ARHGAP32: variants seen among roughly 807,000 people sequenced by gnomAD.
The protein encoded by ARHGAP32 is rho GTPase-activating protein 32.
Under a neutral mutation model 186.5 loss-of-function variants are expected in ARHGAP32, and 51 were observed. The ratio of observed to expected loss-of-function variants is 0.27; its 90% CI spans 0.22 to 0.35. The LOEUF is 0.35. Among genes scored for constraint, ARHGAP32 ranks in the 10% least tolerant of loss-of-function variants. The pLI is 1.00. For synonymous variants in ARHGAP32, 950 were observed against 964.3 expected (o/e 0.99, Z 0.27); for missense variants, 2,186 against 2,623.5 (o/e 0.83, Z 3.64).
At chr11:129,085,082 G>A (rs1941344112) in intron 6 of ARHGAP32, among the ~76,000 whole-genome samples, 1 of 151,734 alleles carries the variant, frequency 6.6e-6, no homozygotes, top group African/African-American at 2.4e-5. Flanking sequence ...GGAGTGCAGT[G>A]GTACAATCAT....
At chr11:129,254,649 T>C (rs1346678691) in intron 1 of ARHGAP32, among the ~76,000 whole-genome samples, 1 of 152,128 alleles carries the variant, frequency 6.6e-6, no homozygotes, top group African/African-American at 2.4e-5. Context: ...TTCAGTCTTA[T>C]TTTTATTTCA....
chr11:129,039,465 C>T (rs1565390333), intron 11 of ARHGAP32, among the ~76,000 whole-genome samples: 1 of 152,130 alleles, frequency 6.6e-6, no homozygotes, highest in Non-Finnish European at 1.5e-5. Context: ...AAAAGAAGCC[C>T]ATCACAAAAG....
At chr11:129,062,455 T>C (rs1471612478) in intron 9 of ARHGAP32, 98 bp from the exon 10 acceptor site, 17 of 947,540 alleles carry the variant, frequency 1.8e-5, no homozygotes, top group Non-Finnish European at 2.6e-5. Context: ...AAAGGTAAAG[T>C]ACTATTCATG....
intron 11 of ARHGAP32, among the ~76,000 whole-genome samples, chr11:129,035,196 A>C (rs201655009): frequency 4.7e-5 from 6 of 127,726 alleles, no homozygotes; most frequent in East Asian, 2.3e-4. Context: ...CTCTCTCTCT[A>C]TCAAACTCTT....
At chr11:128,996,926 C>T (rs778542664) in intron 12 of ARHGAP32, among the ~76,000 whole-genome samples, 5 of 152,018 alleles carry the variant, frequency 3.3e-5, no homozygotes, top group African/African-American at 7.2e-5. Context: ...ATTACAGGTG[C>T]GTACTACTAT....
At chr11:129,087,529 C>G (rs1941442533) in intron 6 of ARHGAP32, among the ~76,000 whole-genome samples, 1 of 152,112 alleles carries the variant, frequency 6.6e-6, no homozygotes, top group Non-Finnish European at 1.5e-5. Flanking sequence ...TATGTGGTAT[C>G]TTAGAAAAGG....
At chr11:129,177,113 C>A (rs986408247) in intron 1 of ARHGAP32, among the ~76,000 whole-genome samples, 6 of 151,432 alleles carry the variant, frequency 4.0e-5, no homozygotes, top group Admixed American at 4.0e-4. Context: ...ATATCACCAC[C>A]GATCCCACAG....
At chr11:129,189,244 C>A (rs1185853982) in intron 1 of ARHGAP32, among the ~76,000 whole-genome samples, 2 of 152,146 alleles carry the variant, frequency 1.3e-5, no homozygotes, top group Non-Finnish European at 2.9e-5. Context: ...AAGTCAGTTA[C>A]ATCTGGGTTC....
chr11:129,116,083 G>T (rs190996946), intron 5 of ARHGAP32, among the ~76,000 whole-genome samples: 425 of 152,130 alleles, frequency 2.8e-3, no homozygotes, highest in African/African-American at 9.7e-3. Context: ...TTAATTTCTG[G>T]TCCAGAGACT....
intron 10 of ARHGAP32, 111 bp downstream of exon 10, chr11:129,062,169 A>G: frequency 1.2e-6 from 1 of 836,686 alleles, no homozygotes; most frequent in African/African-American, 1.7e-5. Context: ...ATCGTTGCAG[A>G]CAAAATTTCT....
At chr11:129,132,296 G>C (rs1942830022) in intron 2 of ARHGAP32, among the ~76,000 whole-genome samples, 1 of 152,146 alleles carries the variant, frequency 6.6e-6, no homozygotes, top group Non-Finnish European at 1.5e-5. Context: ...CTGGGCAACA[G>C]AGGGAGACCC....
chr11:128,996,792 T>G (rs1284676733), intron 12 of ARHGAP32, among the ~76,000 whole-genome samples: 1 of 152,124 alleles, frequency 6.6e-6, no homozygotes, highest in Non-Finnish European at 1.5e-5. Flanking sequence ...GAAAATTTTT[T>G]TTTTTTGGAG....
intron 5 of ARHGAP32, among the ~76,000 whole-genome samples, chr11:129,116,046 T>G (rs1423526072): frequency 6.6e-6 from 1 of 151,996 alleles, no homozygotes; most frequent in Non-Finnish European, 1.5e-5. Context: ...GGAACCAACA[T>G]AAGTTACTTT....
chr11:129,047,249 A>G (rs1939849070), intron 10 of ARHGAP32, among the ~76,000 whole-genome samples: 1 of 152,104 alleles, frequency 6.6e-6, no homozygotes, highest in Admixed American at 6.6e-5. Flanking sequence ...AGCACTGCTC[A>G]CTCCTCAAAA....
At chr11:129,057,977 T>C (rs1459245350) in intron 10 of ARHGAP32, among the ~76,000 whole-genome samples, 2 of 152,136 alleles carry the variant, frequency 1.3e-5, no homozygotes, top group Non-Finnish European at 2.9e-5. Context: ...AACCTTCTGG[T>C]ACCTTAACTT....
intron 11 of ARHGAP32, among the ~76,000 whole-genome samples, chr11:129,036,689 A>G (rs1456084334): frequency 2.6e-5 from 4 of 152,234 alleles, no homozygotes; most frequent in Non-Finnish European, 4.4e-5. Context: ...GCACTCTTTT[A>G]AACACTTGAC....
chr11:129,099,975 G>A (rs376570936), intron 5 of ARHGAP32, among the ~76,000 whole-genome samples: 95 of 152,314 alleles, frequency 6.2e-4, no homozygotes, highest in African/African-American at 1.9e-3. Context: ...AACAGCTCCC[G>A]GGGAAGAGGT....
chr11:129,023,348 G>C (rs909963272), intron 11 of ARHGAP32, among the ~76,000 whole-genome samples: 62 of 152,222 alleles, frequency 4.1e-4, no homozygotes, highest in African/African-American at 1.4e-3. Context: ...AGGCCAGAAA[G>C]GTTACTTCTT....
chr11:129,165,766 A>T (rs1173760129), intron 1 of ARHGAP32, among the ~76,000 whole-genome samples: 1 of 151,868 alleles, frequency 6.6e-6, no homozygotes, highest in Non-Finnish European at 1.5e-5. Context: ...TAAAAAAAAA[A>T]ATAGATAATC....
Sources: allele counts gnomAD v4.1 joint callset (sites outside exome capture counted in the v4.1 genomes callset), GRCh38; gene constraint gnomAD v4.1.1; transcripts MANE v1.5; gene names NCBI Gene and HGNC (gene_info 2026-07-23, HGNC 2026-07-21).